Variants in CENPW observed in about 807,000 individuals in gnomAD.
CENPW encodes the protein cancer-up-regulated gene 2 protein.
CENPW carries 3 observed loss-of-function variants against 11.1 expected under a neutral mutation model. The observed-to-expected ratio is 0.27, with a 90% CI of 0.12 to 0.70. The LOEUF (loss-of-function observed/expected upper bound fraction) is 0.70, where lower values mean the gene tolerates loss of function less well. CENPW is among the 30% of genes least tolerant of loss of function. The pLI is 0.77. For missense variants in CENPW, 100 were observed against 105.6 expected (o/e 0.95, Z 0.23); for synonymous variants, 38 against 42.0 (o/e 0.91, Z 0.37).
chr6:126,394,899 C>T, the CENPW span, among the ~76,000 whole-genome samples: 5 of 151,672 alleles, frequency 3.3e-5, no homozygotes, highest in South Asian at 2.1e-4. Context: ...CTAGCCTGTA[C>T]GGTTTGCACT....
chr6:126,351,648 T>C (rs1248500974), downstream of CENPW, among the ~76,000 whole-genome samples: 1 of 152,162 alleles, frequency 6.6e-6, no homozygotes, highest in East Asian at 1.9e-4. Context: ...TTTCCCCATG[T>C]GTACATTTAG....
chr6:126,435,145 G>C, the CENPW span, among the ~76,000 whole-genome samples: 1 of 151,904 alleles, frequency 6.6e-6, no homozygotes, highest in Non-Finnish European at 1.5e-5. Flanking sequence ...AGTAGGTAAA[G>C]CATCCACTTC....
At chr6:126,441,884 T>C in the CENPW span, among the ~76,000 whole-genome samples, 2 of 151,656 alleles carry the variant, frequency 1.3e-5, no homozygotes, top group African/African-American at 4.8e-5. Context: ...TCCATATTTT[T>C]GCCGTTGTGA....
chr6:126,362,600 G>C, the CENPW span, among the ~76,000 whole-genome samples: 1 of 152,124 alleles, frequency 6.6e-6, no homozygotes, highest in Non-Finnish European at 1.5e-5. Flanking sequence ...TCGTGGCTTT[G>C]TCTAGTGCTA....
chr6:126,394,715 A>G, the CENPW span, among the ~76,000 whole-genome samples: 48 of 152,158 alleles, frequency 3.2e-4, no homozygotes, highest in African/African-American at 1.1e-3. Context: ...TTGTCAGACA[A>G]GTCTGGTGTT....
the CENPW span, among the ~76,000 whole-genome samples, chr6:126,473,844 T>TATAGAATATATATGCACAGCATAGATAC: frequency 6.7e-6 from 1 of 148,932 alleles, no homozygotes; most frequent in South Asian, 2.1e-4. Context: ...AGCATAGATA[T>TATAGAATATATATGCACAGCATAGATAC]ATAGAATATA....
At chr6:126,419,022 T>C in the CENPW span, among the ~76,000 whole-genome samples, 1 of 151,982 alleles carries the variant, frequency 6.6e-6, no homozygotes, top group African/African-American at 2.4e-5. Context: ...ATGGCACATG[T>C]ATACATATGT....
the CENPW span, among the ~76,000 whole-genome samples, chr6:126,479,087 G>A: frequency 6.6e-6 from 1 of 151,962 alleles, no homozygotes; most frequent in Non-Finnish European, 1.5e-5. Flanking sequence ...TTCGGTTTAT[G>A]TGGCACATTA....
At chr6:126,472,322 C>T in the CENPW span, among the ~76,000 whole-genome samples, 1 of 152,134 alleles carries the variant, frequency 6.6e-6, no homozygotes, top group Non-Finnish European at 1.5e-5. Flanking sequence ...TCTGCTCTGG[C>T]CCAACCATAC....
At chr6:126,400,851 A>G in the CENPW span, among the ~76,000 whole-genome samples, 126 of 151,980 alleles carry the variant, frequency 8.3e-4, 1 homozygote, top group Non-Finnish European at 2.8e-4. Context: ...AATCTCTCTT[A>G]TTACATTTCA....
At chr6:126,392,883 CT>C in the CENPW span, among the ~76,000 whole-genome samples, 1 of 151,812 alleles carries the variant, frequency 6.6e-6, no homozygotes, top group South Asian at 2.1e-4. Context: ...ATTAGTACTT[CT>C]TTAACTGGAA....
At chr6:126,436,945 G>A in the CENPW span, among the ~76,000 whole-genome samples, 1 of 151,650 alleles carries the variant, frequency 6.6e-6, no homozygotes, top group East Asian at 1.9e-4. Context: ...ACGTTGGAGA[G>A]TTAGTTACAT....
chr6:126,447,967 G>A, the CENPW span, among the ~76,000 whole-genome samples: 1 of 151,208 alleles, frequency 6.6e-6, no homozygotes, highest in South Asian at 2.1e-4. Flanking sequence ...TGTATTATTC[G>A]CTTCCTGTTC....
the CENPW span, among the ~76,000 whole-genome samples, chr6:126,430,551 A>G: frequency 6.6e-4 from 101 of 152,248 alleles, no homozygotes; most frequent in African/African-American, 2.1e-3. Flanking sequence ...TTTCCTCCCA[A>G]TGGGTCCTGT....
At chr6:126,395,232 CTT>C in the CENPW span, among the ~76,000 whole-genome samples, 4 of 151,918 alleles carry the variant, frequency 2.6e-5, no homozygotes, top group African/African-American at 9.7e-5. Context: ...TCTTTTGTCT[CTT>C]GTCTATTCTA....
chr6:126,343,292 G>A (rs1032142009), intron 1 of CENPW, among the ~76,000 whole-genome samples: 2 of 152,172 alleles, frequency 1.3e-5, no homozygotes, highest in Non-Finnish European at 2.9e-5. Flanking sequence ...GCGCATTGGA[G>A]TAGTACCACT....
At chr6:126,479,502 T>G in the CENPW span, among the ~76,000 whole-genome samples, 2 of 151,976 alleles carry the variant, frequency 1.3e-5, no homozygotes, top group Non-Finnish European at 2.9e-5. Flanking sequence ...GAGGGACACA[T>G]TCTGGATTTT....
chr6:126,472,798 A>C, the CENPW span, among the ~76,000 whole-genome samples: 1 of 152,182 alleles, frequency 6.6e-6, no homozygotes, highest in South Asian at 2.1e-4. Flanking sequence ...CATCCTTGCC[A>C]ACACTTGGTA....
At chr6:126,397,963 C>A in the CENPW span, among the ~76,000 whole-genome samples, 1 of 152,006 alleles carries the variant, frequency 6.6e-6, no homozygotes, top group African/African-American at 2.4e-5. Flanking sequence ...TCATATATTA[C>A]TTTTTAAAGG....
Sources: allele counts gnomAD v4.1 joint callset (sites outside exome capture counted in the v4.1 genomes callset), GRCh38; gene constraint gnomAD v4.1.1; transcripts MANE v1.5; gene names NCBI Gene and HGNC (gene_info 2026-07-23, HGNC 2026-07-21).